PRKG1: variants seen among roughly 807,000 people sequenced by gnomAD.
PRKG1 encodes the protein protein kinase cGMP-dependent 1.
In PRKG1, 35 loss-of-function variants were observed where a neutral mutation model predicts 88.1. The observed-to-expected ratio is 0.40, with a 90% CI of 0.30 to 0.53. The LOEUF (loss-of-function observed/expected upper bound fraction) is 0.53, where lower values mean the gene tolerates loss of function less well. Ranked by LOEUF, PRKG1 falls within the 20% of genes least tolerant of loss-of-function variation. The pLI, the probability that PRKG1 is intolerant of heterozygous loss-of-function variation, is 0.59. For synonymous variants in PRKG1, 303 were observed against 292.5 expected (o/e 1.04, Z -0.37); for missense variants, 540 against 839.8 (o/e 0.64, Z 4.41).
Position 51,680,406 on chromosome 10 carries a change from G to A in PRKG1, c.593-124179G>A, listed in dbSNP as rs569085530. ...CTTGCTTTAATAAATCCTTGCTTTC[G>A]CTTCTTTGTTCCTGGGTTTCATTCC... is the stretch of plus-strand genomic sequence containing the variant. On this transcript the variant is annotated intron_variant, in intron 3 of 17. Transcript: ENST00000373980. Among the ~76,000 whole-genome samples, 10 of 152,180 alleles carry A rather than the reference G, an allele frequency of 6.6e-5. No individual in the cohort carries two copies. In the South Asian group the frequency reaches 1.5e-3, roughly 22 times the overall value.
intron 4 of PRKG1, among the ~76,000 whole-genome samples, chr10:51,847,196 A>G (rs1040192769): frequency 1.3e-5 from 2 of 152,170 alleles, no homozygotes; most frequent in East Asian, 1.9e-4. Flanking sequence ...TGTGTTTCTA[A>G]TTTCCAAAAG....
At chr10:51,576,842 C>T (rs1005720181) in intron 3 of PRKG1, among the ~76,000 whole-genome samples, 25 of 151,662 alleles carry the variant, frequency 1.6e-4, no homozygotes, top group East Asian at 3.9e-4. Context: ...TTGTCATTTG[C>T]GTCTACTTGG....
intron 3 of PRKG1, chr10:51,699,312 G>GC (rs1248294832): frequency 6.2e-7 from 1 of 1,613,964 alleles, no homozygotes; most frequent in Non-Finnish European, 8.5e-7. Flanking sequence ...CTGAACTCCC[G>GC]CCCATTGAGG....
At chr10:51,847,810 T>C (rs1554848076) in intron 4 of PRKG1, among the ~76,000 whole-genome samples, 1 of 108,092 alleles carries the variant, frequency 9.3e-6, no homozygotes, top group Non-Finnish European at 1.7e-5. Flanking sequence ...GAGGCCAGCC[T>C]GGGCAACATA....
intron 5 of PRKG1, among the ~76,000 whole-genome samples, chr10:51,955,749 A>T (rs918159012): frequency 1.3e-5 from 2 of 152,174 alleles, no homozygotes; most frequent in African/African-American, 4.8e-5. Flanking sequence ...ATGACATAGA[A>T]TTTGTTGGAA....
At chr10:51,423,651 A>C (rs944495345) in intron 2 of PRKG1, among the ~76,000 whole-genome samples, 7 of 152,190 alleles carry the variant, frequency 4.6e-5, no homozygotes, top group East Asian at 1.9e-4. Flanking sequence ...AATATGAATA[A>C]CAATTGCCAA....
At chr10:51,211,751 A>T (rs1838226592) in intron 2 of PRKG1, among the ~76,000 whole-genome samples, 1 of 152,214 alleles carries the variant, frequency 6.6e-6, no homozygotes, top group Admixed American at 6.5e-5. Context: ...TAGGAATCCA[A>T]CTTACGAGGG....
chr10:51,074,654 G>T lies in PRKG1; in HGVS notation c.64G>T (p.Asp22Tyr). Residue 22 changes from aspartate to tyrosine, a missense_variant, in exon 1 of 18, where the codon GAT becomes TAT. By Grantham distance (160) the Asp-to-Tyr change is radical. This residue lies in a region of PRKG1 where 15 missense variants were observed against 30.1 expected (regional missense o/e 0.50). Coordinates refer to ENST00000373980, the MANE Select transcript of PRKG1 (RefSeq NM_006258.4). ...GAAGATCGAGGAGCTGAGGCAGCGGGATGCTCTCATCGACGAGCTGGAGCT... is the reference window on the plus strand; with the variant it reads ...GAAGATCGAGGAGCTGAGGCAGCGGTATGCTCTCATCGACGAGCTGGAGCT... Reference protein sequence around the residue: ...QEKIEELRQRDALIDELELEL... With the variant: ...QEKIEELRQRYALIDELELEL... 6.2e-7 allele frequency: 1 copy of T among 1,614,124 alleles called. No individual in the cohort carries two copies. The highest frequency in any genetic ancestry group is 1.7e-5 in the Admixed American group (1 of 60,022).
chr10:52,245,540 A>G (rs1841000768), intron 9 of PRKG1, among the ~76,000 whole-genome samples: 1 of 152,084 alleles, frequency 6.6e-6, no homozygotes, highest in Non-Finnish European at 1.5e-5. Flanking sequence ...ACTGAATCTC[A>G]TCTTACCTAC....
In PRKG1 at chr10:52,164,962, A is replaced by G. The variant is rs563713035; in HGVS notation, c.1076+2999A>G. On this transcript the variant is annotated intron_variant, in intron 9 of 17. Transcript: ENST00000373980. ...ATTTCAACTGTACAGTTTTGTTTGA[A>G]TTTTCTGCTCAATTCACACTAAACC... Among the ~76,000 whole-genome samples the G allele has an allele frequency of 2.0e-5, 3 of 152,200 alleles. No homozygotes were observed. In the South Asian group the frequency reaches 6.2e-4, roughly 32 times the overall value.
intron 3 of PRKG1, among the ~76,000 whole-genome samples, chr10:51,750,304 A>T (rs115960595): frequency 6.6e-6 from 1 of 152,136 alleles, no homozygotes; most frequent in African/African-American, 2.4e-5. Context: ...ACTGACTTGC[A>T]CCCCAATAAT....
At chr10:51,878,250 A>ATGTGTGTG (rs57901574) in intron 4 of PRKG1, among the ~76,000 whole-genome samples, 39,165 of 150,830 alleles carry the variant, frequency 0.26, 5,444 homozygotes, top group East Asian at 0.54. Context: ...GTGTGAATAT[A>ATGTGTGTG]TGTGTGTGTG....
At chr10:51,223,754 T>A (rs1838614978) in intron 2 of PRKG1, among the ~76,000 whole-genome samples, 2 of 152,152 alleles carry the variant, frequency 1.3e-5, no homozygotes, top group Non-Finnish European at 2.9e-5. Flanking sequence ...TCTGCACATA[T>A]AATTATTTTC....
chr10:51,019,414 A>C (rs989577394), intron 1 of PRKG1, among the ~76,000 whole-genome samples: 6 of 152,178 alleles, frequency 3.9e-5, no homozygotes, highest in African/African-American at 1.2e-4. Context: ...CTTTTCAAAC[A>C]AATGGTGGTA....
At chr10:51,130,362 C>A (rs535010333) in intron 1 of PRKG1, among the ~76,000 whole-genome samples, 111 of 152,218 alleles carry the variant, frequency 7.3e-4, no homozygotes, top group African/African-American at 2.6e-3. Flanking sequence ...TGCCTAAGTG[C>A]CTCCATATGT....
At chr10:51,977,546 C>G (rs977576471) in intron 5 of PRKG1, among the ~76,000 whole-genome samples, 1 of 152,102 alleles carries the variant, frequency 6.6e-6, no homozygotes, top group Non-Finnish European at 1.5e-5. Flanking sequence ...AATTGCCACA[C>G]TGTTTTATAC....
intron 3 of PRKG1, among the ~76,000 whole-genome samples, chr10:51,636,051 A>G (rs898299195): frequency 2.2e-4 from 34 of 152,302 alleles, no homozygotes; most frequent in Middle Eastern, 3.4e-3. Context: ...GAAATTTATG[A>G]AGTCATAAAT....
chr10:51,158,886 A>G (rs1846286309), intron 2 of PRKG1, among the ~76,000 whole-genome samples: 2 of 152,080 alleles, frequency 1.3e-5, no homozygotes, highest in Admixed American at 1.3e-4. Flanking sequence ...GAGCATTTGT[A>G]TACTAACTCT....
intron 9 of PRKG1, among the ~76,000 whole-genome samples, chr10:52,189,552 A>C (rs1212995248): frequency 6.6e-6 from 1 of 152,166 alleles, no homozygotes; most frequent in Non-Finnish European, 1.5e-5. Flanking sequence ...CATACAAGGG[A>C]TCTAGCTTGG....
Sources: allele counts gnomAD v4.1 joint callset (sites outside exome capture counted in the v4.1 genomes callset), GRCh38; gene constraint gnomAD v4.1.1; regional missense constraint gnomAD v4.1.1; transcripts MANE v1.5; gene names NCBI Gene and HGNC (gene_info 2026-07-23, HGNC 2026-07-21).